The following UNC80 variants were observed in gnomAD, a reference collection of about 807,000 sequenced individuals.
UNC80 encodes protein unc-80 homolog.
Under a neutral mutation model 384.6 loss-of-function variants are expected in UNC80, and 164 were observed. That is an observed-to-expected ratio of 0.43 (90% CI 0.38 to 0.49). The LOEUF (loss-of-function observed/expected upper bound fraction) is 0.49, where lower values mean the gene tolerates loss of function less well. Ranked by LOEUF, UNC80 falls within the 20% of genes least tolerant of loss-of-function variation. The pLI, the probability that UNC80 is intolerant of heterozygous loss-of-function variation, is 0.00. For missense variants in UNC80, 3,330 were observed against 4,143.0 expected, an observed-to-expected ratio of 0.80 and a Z score of 5.39; for synonymous variants, 1,486 against 1,527.8, an observed-to-expected ratio of 0.97 and a Z score of 0.64.
intron 18 of UNC80, 38 bp downstream of exon 18, chr2:209,835,048 A>G: frequency 6.3e-6 from 9 of 1,421,830 alleles, no homozygotes; most frequent in South Asian, 1.2e-5. Context: ...GCAGACGGCT[A>G]TGCACTTCAC....
rs1037527931 is a variant in UNC80, at chr2:209,913,911, G to C, written c.5000G>C (p.Ser1667Thr). The stretch of plus-strand genomic sequence containing the variant: ...CCAGCTGCCTGGGAGCTCCTGCTCA[G>C]CATGGATGAGCACATGGCAGGGGCA... ...IQPAAWELLL[S>T]MDEHMAGAAA... Residue 1667 changes from serine to threonine, a missense_variant, in exon 31 of 65, where the codon AGC becomes ACC. Around this residue, in one of 8 missense-constraint regions of UNC80, gnomAD observed 801 missense variants for 950.8 expected, o/e 0.84. Coordinates refer to ENST00000673920, the MANE Select transcript of UNC80 (RefSeq NM_001371986.1). 4 of 1,549,984 alleles carry C rather than the reference G, an allele frequency of 2.6e-6. No homozygotes were observed. Among genetic ancestry groups the C allele is most frequent in the Admixed American group, 3.9e-5 (2 of 50,956 alleles).
chr2:209,808,705 T>C, intron 7 of UNC80: 1 of 110,544 alleles, frequency 9.0e-6, no homozygotes, highest in South Asian at 2.8e-4. Context: ...TTAAGGGAGT[T>C]GGCGGAGCGG....
At position 209,793,953 on chromosome 2, in the gene UNC80, A is replaced by C. The variant is rs1484977457; in HGVS notation, c.938+94A>C. 11 of 1,449,068 alleles carry C rather than the reference A, an allele frequency of 7.6e-6. No individual in the cohort carries two copies. In the South Asian group the frequency reaches 1.1e-4, roughly 15 times the overall value. The allele number at this position is 1,449,068 out of a possible 1,614,324, so 89.8% of individuals were successfully genotyped here. ...TACTTCGATAGCCTCTGTTCCTTAAAATATGTATTTGCATAATATGTGTAT... is the reference window on the plus strand; with the variant it reads ...TACTTCGATAGCCTCTGTTCCTTAACATATGTATTTGCATAATATGTGTAT... On this transcript the variant is annotated intron_variant, in intron 7 of 64. Coordinates refer to ENST00000673920, the MANE Select transcript of UNC80 (RefSeq NM_001371986.1).
chr2:209,819,178 A>C lies in UNC80; in HGVS notation c.1879A>C (p.Ile627Leu), dbSNP rs2079964431. 1.3e-6 allele frequency: 2 copies of C among 1,552,068 alleles called. No individual in the cohort carries two copies. Among genetic ancestry groups the C allele is most frequent in the Admixed American group, 2.0e-5 (1 of 50,984 alleles). ...ACCTCGAAGCCTCACAGACTCCTGC[A>C]TAAACTACAGCTACCTAGAGGACAC... Reference protein sequence around the residue: ...NLPRSLTDSCINYSYLEDTEH... With the variant: ...NLPRSLTDSCLNYSYLEDTEH... The change falls in exon 12 of 65, where the codon ATA becomes CTA. Residue 627 changes from isoleucine to leucine, a missense_variant. Coordinates refer to ENST00000673920, the MANE Select transcript of UNC80 (RefSeq NM_001371986.1).
intron 28 of UNC80, among the ~76,000 whole-genome samples, chr2:209,902,614 C>T (rs1486160773): frequency 6.6e-6 from 1 of 152,172 alleles, no homozygotes; most frequent in Non-Finnish European, 1.5e-5. Flanking sequence ...CATCAGTCAG[C>T]AGCCCTCAAT....
In UNC80 at chr2:209,878,015, TG is replaced by T. The variant is rs1220635842; in HGVS notation, c.3905del (p.Gly1302ValfsTer22). ...GAAAGTGAGAGCCCAGCCAACCTGC[TG>T]GGTCTCATTTACGATGAAGAGACCA... ...HGESESPANLLGLIYDEETKR... is the reference protein window; with the variant it reads ...HGESESPANLXGLIYDEETKR... On this transcript the variant is annotated frameshift_variant, in exon 24 of 65. Transcript: ENST00000673920. LOFTEE classifies it high-confidence loss of function. 6.5e-7 allele frequency: 1 copy of T among 1,546,930 alleles called. No individual in the cohort carries two copies. Among genetic ancestry groups the T allele is most frequent in the Non-Finnish European group, 8.7e-7 (1 of 1,144,792 alleles).
chr2:209,992,357 C>T, intron 62 of UNC80, 110 bp downstream of exon 62: 1 of 1,028,450 alleles, frequency 9.7e-7, no homozygotes, highest in Non-Finnish European at 1.4e-6. Flanking sequence ...TGCCCGGAAT[C>T]CCAGCTACTG....
chr2:209,881,169 C>T (rs2085253538), intron 25 of UNC80, 75 bp downstream of exon 25: 1 of 1,472,384 alleles, frequency 6.8e-7, no homozygotes, highest in Non-Finnish European at 9.1e-7. Context: ...CCAAGATTCA[C>T]AGTTTTCTTA....
chr2:209,889,135 C>G (rs2086101644), intron 26 of UNC80, among the ~76,000 whole-genome samples: 1 of 152,106 alleles, frequency 6.6e-6, no homozygotes, highest in Non-Finnish European at 1.5e-5. Context: ...CAGATATTAA[C>G]CAGATATGAA....
chr2:209,852,394 T>C (rs544047243), intron 22 of UNC80, among the ~76,000 whole-genome samples: 14 of 152,106 alleles, frequency 9.2e-5, no homozygotes, highest in African/African-American at 2.9e-4. Context: ...ATGATGGTGG[T>C]GGTGGTGGTT....
intron 4 of UNC80, among the ~76,000 whole-genome samples, chr2:209,778,544 T>G (rs1307372642): frequency 2.0e-5 from 3 of 152,212 alleles, no homozygotes; most frequent in Admixed American, 6.5e-5. Context: ...TATCTCAAAA[T>G]ACAATCATAT....
At chr2:209,832,821 A>G (rs1186702882) in intron 16 of UNC80, among the ~76,000 whole-genome samples, 1 of 152,236 alleles carries the variant, frequency 6.6e-6, no homozygotes, top group East Asian at 1.9e-4. Flanking sequence ...TTGAACTCCC[A>G]TCCCATAAGA....
At chr2:209,934,940 C>T (rs1482105799) in intron 39 of UNC80, among the ~76,000 whole-genome samples, 1 of 152,130 alleles carries the variant, frequency 6.6e-6, no homozygotes, top group Non-Finnish European at 1.5e-5. Flanking sequence ...TACTTAAAAA[C>T]AACTCACTAA....
chr2:209,959,638 T>A lies in UNC80; in HGVS notation c.7736T>A (p.Ile2579Asn), dbSNP rs2092527536. ...AAGCACTGTGGGCCACGGCTGAAGA[T>A]CTTGCAAAATCTGGCTGGGGAGCCT... ...FYKHCGPRLK[I>N]LQNLAGEPRV... The change falls in exon 51 of 65, where the codon ATC (isoleucine) becomes AAC (asparagine). Residue 2579 changes from isoleucine (I) to asparagine (N), a missense_variant. Ile to Asn is a moderately radical substitution (Grantham distance 149, BLOSUM62 -3). Transcript: ENST00000673920. 6.4e-7 allele frequency: 1 copy of A among 1,551,590 alleles called. No homozygotes were observed. The highest frequency in any genetic ancestry group is 2.0e-5 in the Admixed American group (1 of 50,976).
intron 64 of UNC80, 104 bp from the exon 65 acceptor site, chr2:209,995,225 C>T: frequency 7.1e-7 from 1 of 1,406,114 alleles, no homozygotes; most frequent in East Asian, 2.5e-5. Context: ...TGGGACTAGC[C>T]ATCTGATTCC....
intron 51 of UNC80, among the ~76,000 whole-genome samples, chr2:209,963,089 G>A (rs912105226): frequency 6.6e-6 from 1 of 152,246 alleles, no homozygotes; most frequent in African/African-American, 2.4e-5. Context: ...TTGATTACAA[G>A]GCTCTTGAAG....
At chr2:209,901,372 C>A (rs2087378631) in intron 28 of UNC80, among the ~76,000 whole-genome samples, 1 of 152,066 alleles carries the variant, frequency 6.6e-6, no homozygotes, top group Non-Finnish European at 1.5e-5. Context: ...AAAAATAAAG[C>A]CCGGATGACA....
chr2:209,891,934 G>A (rs985846541), intron 26 of UNC80, among the ~76,000 whole-genome samples: 2 of 152,056 alleles, frequency 1.3e-5, no homozygotes, highest in African/African-American at 4.8e-5. Context: ...AAATAAACAC[G>A]CTGAGGACAA....
chr2:209,809,700 G>A (rs749393409), intron 7 of UNC80: 4 of 497,794 alleles, frequency 8.0e-6, no homozygotes, highest in Non-Finnish European at 1.4e-5. Context: ...TCCCTCCTGA[G>A]CGCCCCCATT....
Sources: gnomAD v4.1 joint callset for allele counts (sites outside exome capture counted in the v4.1 genomes callset) on GRCh38, gnomAD v4.1.1 for gene constraint, gnomAD v4.1.1 regional missense constraint, MANE v1.5 for transcripts, NCBI Gene and HGNC (gene_info 2026-07-23, HGNC 2026-07-21) for gene names.